DNAH12: variants seen among roughly 807,000 people sequenced by gnomAD.
The protein encoded by DNAH12 is axonemal beta dynein heavy chain 12.
Under a neutral mutation model 371.5 loss-of-function variants are expected in DNAH12, and 285 were observed. The observed-to-expected ratio is 0.77, with a 90% confidence interval of 0.70 to 0.85. The LOEUF is 0.85. Ranked by LOEUF, DNAH12 falls within the 40% of genes least tolerant of loss-of-function variation. The pLI is 0.00. For synonymous variants in DNAH12, 1,200 were observed against 1,213.0 expected (o/e 0.99, Z 0.22); for missense variants, 3,611 against 3,689.4 (o/e 0.98, Z 0.55).
chr3:57,514,656 C>A (rs2068123345), intron 4 of DNAH12, among the ~76,000 whole-genome samples: 2 of 151,946 alleles, frequency 1.3e-5, no homozygotes, highest in South Asian at 4.1e-4. Context: ...TGATTTTAAA[C>A]CTTGCTGTTG....
intron 70 of DNAH12, 94 bp downstream of exon 70, chr3:57,301,639 CAT>C (rs2061347104): frequency 1.4e-6 from 2 of 1,419,712 alleles, no homozygotes; most frequent in Non-Finnish European, 1.9e-6. Context: ...TAAAATTTTA[CAT>C]GTGTCTGTAT....
intron 25 of DNAH12, among the ~76,000 whole-genome samples, chr3:57,450,103 C>T (rs985221798): frequency 6.6e-6 from 1 of 152,102 alleles, no homozygotes; most frequent in African/African-American, 2.4e-5. Context: ...CAAAAATCAG[C>T]CAGGTACAGT....
chr3:57,418,757 C>A (rs2064472750), intron 37 of DNAH12, among the ~76,000 whole-genome samples: 2 of 151,932 alleles, frequency 1.3e-5, no homozygotes, highest in Admixed American at 6.6e-5. Context: ...AAAAAAATGA[C>A]ATTTATGATT....
intron 17 of DNAH12, among the ~76,000 whole-genome samples, chr3:57,464,950 A>G (rs2066155641): frequency 6.6e-6 from 1 of 152,234 alleles, no homozygotes; most frequent in Non-Finnish European, 1.5e-5. Context: ...TATCTATTAA[A>G]GAAATTCTCT....
chr3:57,506,837 T>TAA (rs1218676170), intron 8 of DNAH12, among the ~76,000 whole-genome samples: 4 of 152,048 alleles, frequency 2.6e-5, no homozygotes, highest in Non-Finnish European at 2.9e-5. Flanking sequence ...AAGGAGCTTC[T>TAA]AAAGTACGAA....
chr3:57,419,688 A>C (rs1418663614), intron 36 of DNAH12, among the ~76,000 whole-genome samples, 170 bp from the exon 37 acceptor site: 1 of 152,202 alleles, frequency 6.6e-6, no homozygotes, highest in East Asian at 1.9e-4. Flanking sequence ...TTTAAGTCAT[A>C]AGCAGATTAA....
intron 58 of DNAH12, among the ~76,000 whole-genome samples, chr3:57,360,748 G>A (rs1045968971): frequency 4.4e-4 from 67 of 152,130 alleles, no homozygotes; most frequent in Non-Finnish European, 1.2e-4. Context: ...TGTGGGGTGG[G>A]GAGCAGTGCA....
rs2062934544 is a variant in DNAH12 at position 57,361,471 on chromosome 3, T to TATATATATATATATATA, written c.9360+2122_9360+2123insTATATATATATATATAT. ...ATATATATATATATATATATATATA[T>TATATATATATATATATA]CTCATTCAGCTCTGTTAGGTGAATT... On this transcript the variant is annotated intron_variant, in intron 58 of 73. Transcript: ENST00000495027. Among the ~76,000 whole-genome samples the TATATATATATATATATA allele has an allele frequency of 2.9e-4, 41 of 141,818 alleles. 2 individuals are homozygous for TATATATATATATATATA. The highest frequency in any genetic ancestry group is 1.0e-3 in the African/African-American group (37 of 35,380). 93.0% of individuals were successfully genotyped at this position (141,818 alleles called of 152,430 possible).
intron 2 of DNAH12, among the ~76,000 whole-genome samples, chr3:57,524,252 C>G (rs2153398394): frequency 6.6e-6 from 1 of 152,214 alleles, no homozygotes; most frequent in South Asian, 2.1e-4. Flanking sequence ...CCTTCGATAT[C>G]CATCCTTTTT....
rs2066398976 is a variant in DNAH12 at position 57,472,636 on chromosome 3, A to C, written c.1686T>G (p.Val562=). 1 of 1,551,084 alleles carries C rather than the reference A, an allele frequency of 6.4e-7. No individual in the cohort carries two copies. Among genetic ancestry groups the C allele is most frequent in the African/African-American group, 1.4e-5 (1 of 73,156 alleles). Residue 562 remains valine (V), a synonymous_variant, in exon 14 of 74, where the codon GTT becomes GTG. Coordinates refer to ENST00000495027, the MANE Select transcript of DNAH12 (RefSeq NM_001366028.2). ...CTAAGTCTTCTTGAGGAAATAGGAA[A>C]ACATCTAAAAAGTAACTCATTTGGC... ...SKRQMSYFLD[V]FLFPQEDLAL...
chr3:57,361,771 A>T (rs1426107689), intron 58 of DNAH12, among the ~76,000 whole-genome samples: 4 of 152,054 alleles, frequency 2.6e-5, no homozygotes, highest in Non-Finnish European at 2.9e-5. Flanking sequence ...ATCCTGCTTT[A>T]CCTATCCAAT....
At chr3:57,528,829 GCT>G (rs1471288355) in intron 2 of DNAH12, among the ~76,000 whole-genome samples, 2 of 149,304 alleles carry the variant, frequency 1.3e-5, no homozygotes, top group African/African-American at 4.9e-5. Flanking sequence ...ACGGAGTTTT[GCT>G]CTTTGTTGCC....
intron 13 of DNAH12, among the ~76,000 whole-genome samples, chr3:57,480,998 G>A (rs1423581780): frequency 6.6e-6 from 1 of 152,172 alleles, no homozygotes; most frequent in Non-Finnish European, 1.5e-5. Context: ...CATTCCCTTT[G>A]AAAACTGGCA....
At chr3:57,360,736 A>G (rs2153327867) in intron 58 of DNAH12, among the ~76,000 whole-genome samples, 1 of 152,224 alleles carries the variant, frequency 6.6e-6, no homozygotes, top group East Asian at 1.9e-4. Context: ...GCAAGGGTGC[A>G]TTGTGGGGTG....
intron 13 of DNAH12, among the ~76,000 whole-genome samples, chr3:57,480,036 C>G (rs1210112419): frequency 6.6e-6 from 1 of 152,126 alleles, no homozygotes; most frequent in African/African-American, 2.4e-5. Flanking sequence ...CAAACACATT[C>G]AAAAGCTAGC....
At chr3:57,402,692 A>C (rs1553679363) in intron 43 of DNAH12, among the ~76,000 whole-genome samples, 2 of 152,228 alleles carry the variant, frequency 1.3e-5, no homozygotes, top group Non-Finnish European at 2.9e-5. Flanking sequence ...AAGGAGAGGC[A>C]GACAGAGGAG....
At position 57,428,731 on chromosome 3, in the gene DNAH12, T is replaced by C; in HGVS notation, c.5155A>G (p.Lys1719Glu). Residue 1719 changes from lysine (K) to glutamate (E), a missense_variant, in exon 34 of 74, where the codon AAA becomes GAA. Physicochemically the swap from Lys to Glu is moderately conservative, Grantham distance 56 (BLOSUM62 1). Coordinates refer to ENST00000495027, the MANE Select transcript of DNAH12 (RefSeq NM_001366028.2). Reference protein sequence around the residue: ...PLVSSWLNSLKGPLCEPEYQA... With the variant: ...PLVSSWLNSLEGPLCEPEYQA... Reference sequence around the variant, plus strand: ...TATTCTGGTTCACACAGAGGTCCTTTCAGTGAATTCAACCAAGAAGACACA... The same window carrying C: ...TATTCTGGTTCACACAGAGGTCCTTCCAGTGAATTCAACCAAGAAGACACA... The C allele has an allele frequency of 1.3e-6, 2 of 1,551,584 alleles. No homozygotes were observed. The highest frequency in any genetic ancestry group is 1.7e-4 in the Middle Eastern group (1 of 5,990).
rs1328255640 is a variant in DNAH12, at chr3:57,385,002, T to C, written c.7687A>G (p.Ile2563Val). The change falls in exon 49 of 74, where the codon ATT (isoleucine) becomes GTT (valine). Residue 2563 changes from isoleucine to valine, a missense_variant. By Grantham distance (29) the Ile-to-Val change is conservative (BLOSUM62 3). Transcript: ENST00000495027. ...TCCACTTGTACAGACTCTATCTCAA[T>C]AACCTAAAGAGGTGAAAGATGAAGA... ...KIENANMMQVIEIESVQVEAK... is the reference protein window; with the variant it reads ...KIENANMMQVVEIESVQVEAK... 1 of 152,224 alleles carries C rather than the reference T, an allele frequency of 6.6e-6. No individual in the cohort carries two copies. Among genetic ancestry groups the C allele is most frequent in the Non-Finnish European group, 1.5e-5 (1 of 68,036 alleles). The allele number at this position is 152,224 out of a possible 1,614,324, so 9.4% of individuals were successfully genotyped here.
chr3:57,446,487 T>C (rs2065501427), intron 26 of DNAH12, 50 bp downstream of exon 26: 1 of 1,490,744 alleles, frequency 6.7e-7, no homozygotes, highest in African/African-American at 1.4e-5. Flanking sequence ...CAATTAGACC[T>C]AGCTGTAAGT....
Sources: allele counts gnomAD v4.1 joint callset (sites outside exome capture counted in the v4.1 genomes callset), GRCh38; gene constraint gnomAD v4.1.1; transcripts MANE v1.5; gene names NCBI Gene and HGNC (gene_info 2026-07-23, HGNC 2026-07-21).